Variants in TEK observed in about 807,000 individuals in gnomAD.
TEK encodes angiopoietin-1 receptor.
A neutral mutation model predicts 131.8 loss-of-function variants in TEK; 43 were observed. The observed-to-expected ratio is 0.33, with a 90% CI of 0.26 to 0.42. TEK has a LOEUF of 0.42. Ranked by LOEUF, TEK falls within the 10% of genes least tolerant of loss-of-function variation. TEK has a pLI of 1.00. For missense variants in TEK, 1,162 were observed against 1,384.4 expected, an observed-to-expected ratio of 0.84 and a Z score of 2.55; for synonymous variants, 580 against 491.6, an observed-to-expected ratio of 1.18 and a Z score of -2.38.
rs10700803 is a variant in TEK at position 27,123,052 on chromosome 9, C to CAAAAAAA, written c.52+13430_52+13436dup. On this transcript the variant is annotated intron_variant, in intron 1 of 22. Coordinates refer to ENST00000380036, the MANE Select transcript of TEK (RefSeq NM_000459.5). ...TGGGTGACAGAGCGAGACTCTGTCT[C>CAAAAAAA]AAAAAAAAAAAAAAAAAAAAAAAAA... Among the ~76,000 whole-genome samples, 44 of 34,710 alleles carry CAAAAAAA rather than the reference C, an allele frequency of 1.3e-3. 9 individuals carry two copies. The highest frequency in any genetic ancestry group is 5.6e-3 in the African/African-American group (39 of 7,014). 22.8% of individuals were successfully genotyped at this position (34,710 alleles called of 152,430 possible).
At chr9:27,211,049 G>C (rs1825594530) in intron 16 of TEK, among the ~76,000 whole-genome samples, 2 of 151,792 alleles carry the variant, frequency 1.3e-5, no homozygotes, top group Non-Finnish European at 2.9e-5. Flanking sequence ...TTGAACCTGG[G>C]AGGCGGAGGT....
At chr9:27,141,446 C>A (rs927971976) in intron 1 of TEK, among the ~76,000 whole-genome samples, 2 of 152,174 alleles carry the variant, frequency 1.3e-5, no homozygotes, top group Non-Finnish European at 2.9e-5. Flanking sequence ...CTGTAACTTT[C>A]TCTCATCCTT....
chr9:27,205,180 A>C, intron 14 of TEK, 115 bp downstream of exon 14: 1 of 1,314,334 alleles, frequency 7.6e-7, no homozygotes, highest in South Asian at 1.3e-5. Context: ...TCCCTTAGGC[A>C]AGCCTCATCT....
chr9:27,120,218 G>A (rs188142148), intron 1 of TEK, among the ~76,000 whole-genome samples: 1 of 152,308 alleles, frequency 6.6e-6, no homozygotes, highest in East Asian at 1.9e-4. Flanking sequence ...TACTATGATG[G>A]AAGTGTACTC....
intron 1 of TEK, among the ~76,000 whole-genome samples, chr9:27,116,678 A>G (rs896314317): frequency 6.6e-6 from 1 of 152,188 alleles, no homozygotes; most frequent in African/African-American, 2.4e-5. Context: ...TCTTTGGTAT[A>G]TGGTAAGTGA....
intron 14 of TEK, among the ~76,000 whole-genome samples, chr9:27,205,861 G>C (rs1407812546): frequency 6.6e-6 from 1 of 152,158 alleles, no homozygotes; most frequent in East Asian, 1.9e-4. Context: ...GAGTCCCCGA[G>C]TTTCCCTTCC....
intron 15 of TEK, 72 bp downstream of exon 15, chr9:27,206,864 T>C: frequency 6.6e-7 from 1 of 1,525,608 alleles, no homozygotes; most frequent in East Asian, 2.3e-5. Flanking sequence ...GCTCATTCTT[T>C]CCTCTATGGT....
intron 1 of TEK, among the ~76,000 whole-genome samples, chr9:27,149,346 T>G (rs1378968908): frequency 6.6e-6 from 1 of 152,162 alleles, no homozygotes; most frequent in African/African-American, 2.4e-5. Flanking sequence ...AATTTCAGGG[T>G]TTTTTAACCT....
In TEK at chr9:27,158,028, A is replaced by T; in HGVS notation, c.250A>T (p.Lys84Ter). 3 of 1,614,166 alleles carry T rather than the reference A, an allele frequency of 1.9e-6. No homozygotes were observed. The highest frequency in any genetic ancestry group is 1.7e-6 in the Non-Finnish European group (2 of 1,180,028). The change falls in exon 2 of 23, where the codon AAA becomes TAA. Residue 84 changes from lysine to a stop codon, truncating the protein, a stop_gained. Coordinates refer to ENST00000380036, the MANE Select transcript of TEK (RefSeq NM_000459.5). LOFTEE classifies it high-confidence loss of function. Reference sequence around the variant, plus strand: ...TCAAGATGTGACCAGAGAATGGGCTAAAAAAGTTGTTTGGAAGAGAGAAAA... The same window carrying T: ...TCAAGATGTGACCAGAGAATGGGCTTAAAAAGTTGTTTGGAAGAGAGAAAA... ...VTQDVTREWA[K>*]KVVWKREKAS...
intron 2 of TEK, among the ~76,000 whole-genome samples, chr9:27,160,377 CT>C (rs1322569874): frequency 1.3e-5 from 2 of 152,170 alleles, no homozygotes; most frequent in African/African-American, 2.4e-5. Context: ...TGCTGATTGG[CT>C]GTTTCTTTTA....
chr9:27,113,980 T>C (rs557317202), intron 1 of TEK, among the ~76,000 whole-genome samples: 53 of 152,350 alleles, frequency 3.5e-4, no homozygotes, highest in Admixed American at 1.7e-3. Context: ...GCAAACACAA[T>C]TCAACTCAAT....
intron 21 of TEK, among the ~76,000 whole-genome samples, chr9:27,226,615 C>T (rs1826338760): frequency 1.3e-5 from 2 of 152,182 alleles, no homozygotes; most frequent in South Asian, 4.2e-4. Flanking sequence ...AGGAGAAATA[C>T]CTAATGTAGA....
intron 5 of TEK, 128 bp downstream of exon 5, chr9:27,172,875 T>C (rs1332757118): frequency 6.1e-6 from 8 of 1,300,854 alleles, no homozygotes; most frequent in Admixed American, 2.1e-5. Flanking sequence ...ATGGTACCTG[T>C]GTGTGAATTA....
intron 15 of TEK, among the ~76,000 whole-genome samples, chr9:27,208,504 T>A (rs973213752): frequency 6.6e-6 from 1 of 152,240 alleles, no homozygotes; most frequent in African/African-American, 2.4e-5. Flanking sequence ...TAGAAGCAGA[T>A]GCAACTCAGT....
At chr9:27,207,493 CTGTT>C (rs1370769595) in intron 15 of TEK, among the ~76,000 whole-genome samples, 2 of 152,186 alleles carry the variant, frequency 1.3e-5, no homozygotes, top group Non-Finnish European at 2.9e-5. Context: ...CATCTCAAGA[CTGTT>C]TGGTACCTAC....
intron 1 of TEK, among the ~76,000 whole-genome samples, chr9:27,115,351 T>A (rs1449473066): frequency 1.3e-5 from 2 of 151,922 alleles, no homozygotes; most frequent in African/African-American, 4.8e-5. Context: ...ATACAAAAAT[T>A]AGCCTGGCAT....
chr9:27,209,228 C>T lies in TEK; in HGVS notation c.2683C>T (p.Arg895Ter). 6.2e-7 allele frequency: 1 copy of T among 1,606,380 alleles called. No individual in the cohort carries two copies. The highest frequency in any genetic ancestry group is 8.5e-7 in the Non-Finnish European group (1 of 1,173,036). Reference sequence around the variant, plus strand: ...CAATCTCTTAGGAGCATGTGAACATCGAGGTAAGATGCTCTTTTCCTGTCT... The same window carrying T: ...CAATCTCTTAGGAGCATGTGAACATTGAGGTAAGATGCTCTTTTCCTGTCT... ...IINLLGACEH[R>*]GYLYLAIEYA... The change falls in exon 16 of 23, where the codon CGA becomes TGA. Residue 895 changes from arginine to a stop codon, truncating the protein, a stop_gained. Transcript: ENST00000380036. LOFTEE classifies it high-confidence loss of function.
chr9:27,154,311 C>T (rs1183321212), intron 1 of TEK, among the ~76,000 whole-genome samples: 1 of 152,196 alleles, frequency 6.6e-6, no homozygotes, highest in East Asian at 1.9e-4. Flanking sequence ...GGCTATCCCT[C>T]CCTGACCTCA....
chr9:27,189,613 TGTG>T (rs1824731159), intron 9 of TEK, among the ~76,000 whole-genome samples: 1 of 152,080 alleles, frequency 6.6e-6, no homozygotes, highest in African/African-American at 2.4e-5. Context: ...TAGTCAGAGA[TGTG>T]GTGGTCAGAG....
Sources: allele counts gnomAD v4.1 joint callset (sites outside exome capture counted in the v4.1 genomes callset), GRCh38; gene constraint gnomAD v4.1.1; transcripts MANE v1.5; gene names NCBI Gene and HGNC (gene_info 2026-07-23, HGNC 2026-07-21).